Variants in NSUN6 observed in about 807,000 individuals in gnomAD.
NSUN6 encodes tRNA (cytosine(72)-C(5))-methyltransferase NSUN6.
NSUN6 carries 64 observed loss-of-function variants against 58.0 expected under a neutral mutation model. The observed-to-expected ratio is 1.10, with a 90% CI of 0.90 to 1.36. The LOEUF (loss-of-function observed/expected upper bound fraction) is 1.36. Ranked by LOEUF, NSUN6 falls within the 40% of genes most tolerant of loss-of-function variation. NSUN6 has a pLI of 0.00. For missense variants in NSUN6, 701 were observed against 550.1 expected (o/e 1.27, Z -2.74); for synonymous variants, 231 against 193.9 (o/e 1.19, Z -1.59).
intron 5 of NSUN6, among the ~76,000 whole-genome samples, chr10:18,612,228 G>A (rs1364859294): frequency 6.6e-6 from 1 of 151,872 alleles, no homozygotes; most frequent in Non-Finnish European, 1.5e-5. Flanking sequence ...GACCAGACTG[G>A]GCAACATGGC....
In NSUN6 at chr10:18,546,074, T is replaced by G; in HGVS notation, c.1269A>C (p.Arg423=). ...LSCEQLKQLQ[R]FDPSAVPLPD... ...GTAATGGCACAGCCGATGGATCAAA[T>G]CGCTGCAGCTGTTTCAACTGTTCAC... Residue 423 remains arginine (R), a synonymous_variant, in exon 11 of 11, where the codon CGA becomes CGC. Coordinates refer to ENST00000377304, the MANE Select transcript of NSUN6 (RefSeq NM_182543.5). 6.2e-7 allele frequency: 1 copy of G among 1,609,252 alleles called. No homozygotes were observed. Among genetic ancestry groups the G allele is most frequent in the East Asian group, 2.2e-5 (1 of 44,840 alleles).
intron 1 of NSUN6, 116 bp from the exon 2 acceptor site, chr10:18,648,761 T>G (rs1465400097): frequency 1.5e-5 from 9 of 616,980 alleles, no homozygotes; most frequent in South Asian, 2.2e-5. Context: ...CTCCATTCTA[T>G]TTTGCTGTAT....
intron 3 of NSUN6, among the ~76,000 whole-genome samples, chr10:18,626,564 T>A (rs1267900622): frequency 1.3e-5 from 2 of 152,134 alleles, no homozygotes. Context: ...GATCAGGAAT[T>A]CGAGACCAAC....
At chr10:18,646,993 A>G (rs2059565121) in intron 2 of NSUN6, among the ~76,000 whole-genome samples, 1 of 152,210 alleles carries the variant, frequency 6.6e-6, no homozygotes. Flanking sequence ...ATTACTCTCA[A>G]TAAGATTATC....
At chr10:18,643,584 C>G (rs1438079489) in intron 2 of NSUN6, among the ~76,000 whole-genome samples, 1 of 152,178 alleles carries the variant, frequency 6.6e-6, no homozygotes, top group Admixed American at 6.5e-5. Flanking sequence ...CACCAGCTCT[C>G]TGAACTTCTG....
intron 7 of NSUN6, among the ~76,000 whole-genome samples, chr10:18,594,917 T>C (rs377049309): frequency 3.9e-5 from 6 of 152,344 alleles, no homozygotes; most frequent in African/African-American, 1.4e-4. Context: ...CAGAGGTTTT[T>C]TTTAATACCA....
At chr10:18,582,070 C>T (rs993119824) in intron 8 of NSUN6, among the ~76,000 whole-genome samples, 2 of 152,026 alleles carry the variant, frequency 1.3e-5, no homozygotes, top group Non-Finnish European at 2.9e-5. Context: ...CCGAAAGTCC[C>T]TAGGAGGTCA....
intron 7 of NSUN6, among the ~76,000 whole-genome samples, chr10:18,595,813 A>G (rs1026281089): frequency 6.6e-6 from 1 of 152,202 alleles, no homozygotes. Context: ...TATGTATTAT[A>G]CAACTATGTT....
chr10:18,561,079 G>A (rs183617827), intron 8 of NSUN6, among the ~76,000 whole-genome samples: 105 of 147,844 alleles, frequency 7.1e-4, no homozygotes, highest in East Asian at 5.2e-3. Context: ...AAAATGGAAT[G>A]GAATGGAGAA....
At chr10:18,593,698 G>A (rs769586531) in intron 7 of NSUN6, among the ~76,000 whole-genome samples, 4 of 152,170 alleles carry the variant, frequency 2.6e-5, no homozygotes, top group Non-Finnish European at 5.9e-5. Context: ...CACACACGGG[G>A]GCCTGTCAAA....
rs768858112 is a variant in NSUN6, at chr10:18,545,965, TA to T, written c.1377del (p.Phe459LeufsTer6). The T allele has an allele frequency of 1.0e-5, 16 of 1,583,582 alleles. No homozygotes were observed. Among genetic ancestry groups the T allele is most frequent in the Non-Finnish European group, 1.3e-5 (15 of 1,171,360 alleles). ...CTTTTGCATTTTACAAATTTTGCAA[TA>T]AAAAAACCTATAGAGTCCTTATTAG... ...RLANKDSIGF[F>X]IAKFVKCKST On this transcript the variant is annotated frameshift_variant, in exon 11 of 11. Coordinates refer to ENST00000377304, the MANE Select transcript of NSUN6 (RefSeq NM_182543.5). LOFTEE classifies it high-confidence loss of function.
intron 8 of NSUN6, among the ~76,000 whole-genome samples, chr10:18,580,627 ATCC>A (rs2056863511): frequency 6.6e-6 from 1 of 152,186 alleles, no homozygotes. Context: ...AAGAGGTTCC[ATCC>A]CAGGAGAGGC....
Position 18,651,150 on chromosome 10 carries a change from C to T in NSUN6, c.54G>A (p.Lys18=). ...SLRPEVENYL[K]EGFMNKEIVT... is the part of the protein sequence containing the mutation. ...CTACCTCCTTATTCATAAAGCCTTC[C>T]TTAAGATAGTTTTCAACCTCAGGTC... The change falls in exon 1 of 11, where the codon AAG becomes AAA. Residue 18 remains lysine (K), a synonymous_variant. Transcript: ENST00000377304. 6.3e-7 allele frequency: 1 copy of T among 1,578,728 alleles called. No individual in the cohort carries two copies. The highest frequency in any genetic ancestry group is 1.2e-5 in the South Asian group (1 of 84,550).
intron 9 of NSUN6, among the ~76,000 whole-genome samples, chr10:18,550,972 C>T (rs1327671177): frequency 3.3e-5 from 5 of 152,044 alleles, no homozygotes; most frequent in Admixed American, 6.6e-5. Context: ...GTGATCAGCC[C>T]GCCTCAGCCT....
At chr10:18,558,696 C>T (rs12570360) in intron 8 of NSUN6, among the ~76,000 whole-genome samples, 8,256 of 135,766 alleles carry the variant, frequency 0.061, 374 homozygotes, top group Non-Finnish European at 0.085. Flanking sequence ...AATGGAATGG[C>T]GGAAGGAATG....
chr10:18,582,966 C>G (rs966140537), intron 8 of NSUN6, among the ~76,000 whole-genome samples: 5 of 152,122 alleles, frequency 3.3e-5, no homozygotes, highest in Non-Finnish European at 5.9e-5. Flanking sequence ...GCCTCTGAGA[C>G]GAAGCTCAGC....
intron 8 of NSUN6, among the ~76,000 whole-genome samples, chr10:18,567,408 C>A (rs1332739235): frequency 6.7e-6 from 1 of 149,942 alleles, no homozygotes; most frequent in Non-Finnish European, 1.5e-5. Context: ...TCCATCATTG[C>A]ATTTCATGCT....
intron 8 of NSUN6, among the ~76,000 whole-genome samples, chr10:18,569,029 T>C (rs1235808862): frequency 2.0e-5 from 3 of 150,910 alleles, no homozygotes; most frequent in Middle Eastern, 3.4e-3. Context: ...TTCCATTACA[T>C]TCTCTATTCA....
At chr10:18,562,134 T>C (rs1448689478) in intron 8 of NSUN6, among the ~76,000 whole-genome samples, 2 of 144,046 alleles carry the variant, frequency 1.4e-5, no homozygotes, top group Non-Finnish European at 3.0e-5. Context: ...GAATGGAGAA[T>C]AGAATGGAAT....
Sources: allele counts gnomAD v4.1 joint callset (sites outside exome capture counted in the v4.1 genomes callset), GRCh38; gene constraint gnomAD v4.1.1; transcripts MANE v1.5; gene names NCBI Gene and HGNC (gene_info 2026-07-23, HGNC 2026-07-21).